Variants in TMEM175 observed in about 807,000 individuals in gnomAD.
TMEM175 encodes transmembrane protein 175.
A neutral mutation model predicts 36.5 loss-of-function variants in TMEM175; 36 were observed. The observed-to-expected ratio is 0.99, with a 90% CI of 0.76 to 1.30. The LOEUF is 1.30. Among genes scored for constraint, TMEM175 ranks in the 50% most tolerant of loss-of-function variants. The pLI is 0.00. For missense variants in TMEM175, 705 were observed against 692.8 expected, an observed-to-expected ratio of 1.02 and a Z score of -0.20; for synonymous variants, 339 against 313.4, an observed-to-expected ratio of 1.08 and a Z score of -0.86.
At chr4:940,768 G>A (rs1308209189) in intron 1 of TMEM175, among the ~76,000 whole-genome samples, 1 of 152,006 alleles carries the variant, frequency 6.6e-6, no homozygotes, top group Non-Finnish European at 1.5e-5. Flanking sequence ...AGCATTTTGG[G>A]AGGCTGAGGT....
rs747512545 is a variant in TMEM175 at position 932,778 on chromosome 4, T to G, written c.-32+238T>G. Among the ~76,000 whole-genome samples the G allele has an allele frequency of 7.2e-5, 11 of 152,250 alleles. No individual in the cohort carries two copies. Among genetic ancestry groups the G allele is most frequent in the Non-Finnish European group, 1.2e-4 (8 of 68,038 alleles). On this transcript the variant is annotated intron_variant, in intron 1 of 10. Transcript: ENST00000264771. This position sits in a 1 kb window ranked among gnomAD's most constrained non-coding sequence, Gnocchi z 4.0. ...CAGTAAATACTTGGTTTTCGTCTCA[T>G]GGAGGTCGGAGTTTCCTGTGACGCT... is the stretch of plus-strand genomic sequence containing the variant.
chr4:958,472 C>A lies in TMEM175; in HGVS notation c.1491C>A (p.Ser497=). Residue 497 remains serine, a synonymous_variant, in exon 11 of 11, where the codon TCC becomes TCA. Coordinates refer to ENST00000264771, the MANE Select transcript of TMEM175 (RefSeq NM_032326.4). ...PAPTGQDDPQ[S]QLLPAPC ...CCACGGGCCAGGACGACCCACAGTC[C>A]CAGCTCCTCCCTGCCCCCTGCTAGC... 2 of 1,558,706 alleles carry A rather than the reference C, an allele frequency of 1.3e-6. No individual in the cohort carries two copies. The highest frequency in any genetic ancestry group is 2.3e-5 in the East Asian group (1 of 43,076).
chr4:947,671 C>A, intron 1 of TMEM175, 38 bp from the exon 2 acceptor site: 1 of 1,519,136 alleles, frequency 6.6e-7, no homozygotes, highest in South Asian at 1.3e-5. Flanking sequence ...CCTCCAGGAG[C>A]GCCCCACAGG....
chr4:941,007 A>T lies in TMEM175; in HGVS notation c.-31-6702A>T, dbSNP rs866969987. ...GGTGACAGAGTGAGACTCCGTCTCA[A>T]AATAATAATAATAATAATAATAATA... On this transcript the variant is annotated intron_variant, in intron 1 of 10. Coordinates refer to ENST00000264771, the MANE Select transcript of TMEM175 (RefSeq NM_032326.4). 8.7e-3 allele frequency among the ~76,000 whole-genome samples: 1,150 copies of T among 131,876 alleles called. 7 individuals are homozygous for T. The highest frequency in any genetic ancestry group is 0.013 in the Non-Finnish European group (856 of 63,632). The allele number at this position is 131,876 out of a possible 152,430, so 86.5% of individuals were successfully genotyped here. A position where few individuals can be genotyped will look rare whatever the true frequency, so the allele number is the denominator to read the frequency against.
chr4:944,535 T>C lies in TMEM175; in HGVS notation c.-31-3174T>C, dbSNP rs113568980. Among the ~76,000 whole-genome samples, 1,230 of 152,166 alleles carry C rather than the reference T, an allele frequency of 8.1e-3. 17 individuals are homozygous for C. Among genetic ancestry groups the C allele is most frequent in the African/African-American group, 0.027 (1,125 of 41,510 alleles). ...CTCCCTGCCTGGGTTGCTGCAGCGC[T>C]GTCTGGAAGTTGGCGAACATTGTTC... is the stretch of plus-strand genomic sequence containing the variant. On this transcript the variant is annotated intron_variant, in intron 1 of 10. Coordinates refer to ENST00000264771, the MANE Select transcript of TMEM175 (RefSeq NM_032326.4).
At chr4:954,655 C>A (rs1729390371) in intron 8 of TMEM175, among the ~76,000 whole-genome samples, 1 of 152,182 alleles carries the variant, frequency 6.6e-6, no homozygotes, top group African/African-American at 2.4e-5. Flanking sequence ...TGTGTGTGCC[C>A]ACAGTGAGTT....
chr4:956,330 C>T (rs1729635537), intron 10 of TMEM175: 2 of 1,289,040 alleles, frequency 1.6e-6, no homozygotes, highest in South Asian at 1.3e-5. Flanking sequence ...CTCCTGCTCC[C>T]TTTGGCTGGC....
chr4:946,764 C>T (rs1410605989), intron 1 of TMEM175, among the ~76,000 whole-genome samples: 2 of 152,312 alleles, frequency 1.3e-5, no homozygotes, highest in African/African-American at 4.8e-5. Context: ...GGAGTGCCTG[C>T]CCTGGTGCTA....
intron 10 of TMEM175, chr4:957,037 T>C: frequency 6.5e-6 from 1 of 154,614 alleles, no homozygotes; most frequent in Non-Finnish European, 1.4e-5. Context: ...GGGAGGGACC[T>C]GCCGAAGAGA....
At position 932,896 on chromosome 4, in the gene TMEM175, C is replaced by T. The variant is rs1293806205; in HGVS notation, c.-32+356C>T. ...ATTGCTCTGTCTTCCGAGGAGAGGG[C>T]CAGGGTCTGGCCTGGGGCAGTGACC... On this transcript the variant is annotated intron_variant, in intron 1 of 10. Coordinates refer to ENST00000264771, the MANE Select transcript of TMEM175 (RefSeq NM_032326.4). This position sits in a 1 kb window ranked among gnomAD's most constrained non-coding sequence, Gnocchi z 4.0. Among the ~76,000 whole-genome samples the T allele has an allele frequency of 6.6e-6, 1 of 152,200 alleles. No individual in the cohort carries two copies. Among genetic ancestry groups the T allele is most frequent in the Non-Finnish European group, 1.5e-5 (1 of 68,042 alleles).
At chr4:942,594 C>A (rs1446878855) in intron 1 of TMEM175, among the ~76,000 whole-genome samples, 1 of 147,388 alleles carries the variant, frequency 6.8e-6, no homozygotes, top group Admixed American at 6.7e-5. Flanking sequence ...CAATTTTGTT[C>A]TTTTTCAATA....
At chr4:948,557 G>A (rs1166941272) in intron 3 of TMEM175, 6 of 1,338,458 alleles carry the variant, frequency 4.5e-6, no homozygotes, top group South Asian at 2.5e-5. Flanking sequence ...GAGTAAACGC[G>A]GCCAGCGCCC....
intron 1 of TMEM175, among the ~76,000 whole-genome samples, chr4:946,733 C>T (rs560634720): frequency 3.3e-5 from 5 of 152,322 alleles, no homozygotes; most frequent in Non-Finnish European, 7.4e-5. Context: ...TGCACCCAGC[C>T]CCGGCTCCCA....
intron 10 of TMEM175, chr4:956,254 T>TCCTAGTC (rs1020859883): frequency 1.0e-6 from 1 of 953,852 alleles, no homozygotes; most frequent in Non-Finnish European, 1.4e-6. Flanking sequence ...CACCAGCCCC[T>TCCTAGTC]CCTAGTCCCT....
chr4:958,369 G>A lies in TMEM175; in HGVS notation c.1388G>A (p.Arg463His), dbSNP rs139453980. 42 of 1,602,826 alleles carry A rather than the reference G, an allele frequency of 2.6e-5. No homozygotes were observed. Among genetic ancestry groups the A allele is most frequent in the South Asian group, 1.4e-4 (13 of 91,076 alleles). The change falls in exon 11 of 11, where the codon CGC becomes CAC. Residue 463 changes from arginine (R) to histidine (H), a missense_variant. Coordinates refer to ENST00000264771, the MANE Select transcript of TMEM175 (RefSeq NM_032326.4). ...IAVPCAFLLL[R>H]LLVGLALATL... ...GTGCCCTGCGCCTTCCTGTTGCTGC[G>A]CCTGCTCGTGGGCCTGGCCCTGGCC...
At chr4:950,764 CGGTGTGGATGGTGCAGTAGGCGGA>C (rs1728775413) in intron 4 of TMEM175, among the ~76,000 whole-genome samples, 1 of 62,180 alleles carries the variant, frequency 1.6e-5, no homozygotes, top group African/African-American at 8.0e-5. Flanking sequence ...GAGGTGTGGA[CGGTGTGGATGGTGCAGTAGGCGGA>C]GGTGTGGATG....
At chr4:948,184 G>A in intron 3 of TMEM175, 30 bp downstream of exon 3, 2 of 1,614,088 alleles carry the variant, frequency 1.2e-6, no homozygotes, top group Non-Finnish European at 1.7e-6. Context: ...TCTGCGTGGT[G>A]TGGCCCTGCG....
chr4:946,468 T>C (rs1160643668), intron 1 of TMEM175, among the ~76,000 whole-genome samples: 1 of 152,054 alleles, frequency 6.6e-6, no homozygotes, highest in Non-Finnish European at 1.5e-5. Context: ...AAATCCATAG[T>C]GCCTGGTTGG....
At chr4:943,774 C>T (rs954752598) in intron 1 of TMEM175, among the ~76,000 whole-genome samples, 4 of 152,140 alleles carry the variant, frequency 2.6e-5, no homozygotes, top group African/African-American at 7.2e-5. Flanking sequence ...TGTGTGCAAA[C>T]GTTTATATAT....
Sources: allele counts gnomAD v4.1 joint callset (sites outside exome capture counted in the v4.1 genomes callset), GRCh38; gene constraint gnomAD v4.1.1; non-coding constraint Gnocchi (gnomAD v3.1); transcripts MANE v1.5; gene names NCBI Gene and HGNC (gene_info 2026-07-23, HGNC 2026-07-21).